Variants in SYNPR observed in about 807,000 individuals in gnomAD.
SYNPR encodes synaptoporin.
In SYNPR, 23 loss-of-function variants were observed where a neutral mutation model predicts 32.9. That is an observed-to-expected ratio of 0.70 (90% confidence interval 0.50 to 0.99). The LOEUF is 0.99. SYNPR is among the 50% of genes least tolerant of loss of function. The probability of loss-of-function intolerance (pLI) is 0.00; values close to 1 mark genes in which losing one functional copy is unlikely to be tolerated. For synonymous variants in SYNPR, 146 were observed against 135.9 expected (o/e 1.07, Z -0.52); for missense variants, 318 against 349.3 (o/e 0.91, Z 0.71).
At chr3:63,252,998 G>A (rs1454940983) in intron 2 of SYNPR, among the ~76,000 whole-genome samples, 1 of 147,494 alleles carries the variant, frequency 6.8e-6, no homozygotes, top group Non-Finnish European at 1.5e-5. Context: ...GAGATTATGT[G>A]ACTGCACTCC....
At chr3:63,546,677 T>C (rs1290260738) in intron 3 of SYNPR, among the ~76,000 whole-genome samples, 1 of 151,540 alleles carries the variant, frequency 6.6e-6, no homozygotes, top group East Asian at 1.9e-4. Context: ...AATGGTAAAG[T>C]GGAGAGGACA....
intron 2 of SYNPR, among the ~76,000 whole-genome samples, chr3:63,442,033 C>A (rs756802113): frequency 1.3e-5 from 2 of 152,146 alleles, no homozygotes; most frequent in Non-Finnish European, 2.9e-5. Context: ...CCTGACTCCT[C>A]GTTATGGTTT....
chr3:63,418,654 A>C (rs1364430314), intron 2 of SYNPR, among the ~76,000 whole-genome samples: 1 of 152,216 alleles, frequency 6.6e-6, no homozygotes, highest in African/African-American at 2.4e-5. Context: ...GGAACAAGCC[A>C]CGTCTTACAC....
chr3:63,419,372 T>A (rs1575634523), intron 2 of SYNPR, among the ~76,000 whole-genome samples: 1 of 152,086 alleles, frequency 6.6e-6, no homozygotes, highest in Admixed American at 6.6e-5. Flanking sequence ...TACCAAATAC[T>A]TAGAGTTGGA....
At chr3:63,501,958 C>T (rs1701490244) in intron 3 of SYNPR, among the ~76,000 whole-genome samples, 1 of 152,062 alleles carries the variant, frequency 6.6e-6, no homozygotes. Flanking sequence ...TGGAGGTATG[C>T]TGTAAGTGTA....
intron 2 of SYNPR, among the ~76,000 whole-genome samples, chr3:63,288,125 T>A (rs201605214): frequency 2.0e-5 from 3 of 152,326 alleles, no homozygotes; most frequent in East Asian, 1.9e-4. Flanking sequence ...TTATTTTAGT[T>A]TGGACACAAC....
chr3:63,248,000 GT>G (rs1292869689), intron 1 of SYNPR, among the ~76,000 whole-genome samples: 1 of 152,064 alleles, frequency 6.6e-6, no homozygotes, highest in Non-Finnish European at 1.5e-5. Context: ...ACCTTACAAT[GT>G]AAGTAGGATT....
At chr3:63,306,504 C>T (rs1372180915) in intron 2 of SYNPR, among the ~76,000 whole-genome samples, 1 of 151,362 alleles carries the variant, frequency 6.6e-6, no homozygotes, top group Non-Finnish European at 1.5e-5. Flanking sequence ...CTGATACATA[C>T]CCTGCCTCTT....
chr3:63,202,500 T>C, the SYNPR span, among the ~76,000 whole-genome samples: 1 of 152,128 alleles, frequency 6.6e-6, no homozygotes, highest in African/African-American at 2.4e-5. Context: ...CAGTGGGCCG[T>C]GAACACAGGC....
chr3:63,232,727 G>T (rs1255864157), intron 1 of SYNPR, among the ~76,000 whole-genome samples: 2 of 152,096 alleles, frequency 1.3e-5, no homozygotes, highest in Non-Finnish European at 2.9e-5. Flanking sequence ...AAACGGGAAT[G>T]GGCTCAGTTA....
chr3:63,584,090 T>A (rs1703141274), intron 4 of SYNPR, among the ~76,000 whole-genome samples: 1 of 152,072 alleles, frequency 6.6e-6, no homozygotes, highest in Non-Finnish European at 1.5e-5. Context: ...TCTTTTGCTG[T>A]CCTGTCGGCA....
intron 2 of SYNPR, among the ~76,000 whole-genome samples, chr3:63,313,732 C>T (rs1481245354): frequency 3.4e-5 from 1 of 29,118 alleles, no homozygotes; most frequent in Non-Finnish European, 5.7e-5. Context: ...TATATATATC[C>T]ATATATATAT....
chr3:63,494,405 ATATATATATATACG>A (rs1289794781), intron 3 of SYNPR, among the ~76,000 whole-genome samples: 1 of 53,226 alleles, frequency 1.9e-5, no homozygotes, highest in Non-Finnish European at 3.8e-5. Context: ...ATATATATAT[ATATATATATATACG>A]TATATATATA....
chr3:63,311,668 G>C (rs553881838), intron 2 of SYNPR, among the ~76,000 whole-genome samples: 1 of 152,090 alleles, frequency 6.6e-6, no homozygotes, highest in Admixed American at 6.6e-5. Context: ...CTGCTGCAGA[G>C]AATGCAATCT....
rs149456359 is a variant in SYNPR at position 63,446,460 on chromosome 3, T to G, written c.85-34372T>G. 6.5e-3 allele frequency among the ~76,000 whole-genome samples: 992 copies of G among 152,128 alleles called. 9 individuals carry two copies. Among genetic ancestry groups the G allele is most frequent in the Non-Finnish European group, 0.011 (744 of 68,000 alleles). ...ATTCAGAGTCCCCAAATGCATTCCT[T>G]TGCACCTGAGCAGTGGGCTCCCCAT... On this transcript the variant is annotated intron_variant, in intron 2 of 5. Transcript: ENST00000478300.
chr3:63,211,335 G>C, the SYNPR span, among the ~76,000 whole-genome samples: 3 of 152,150 alleles, frequency 2.0e-5, no homozygotes, highest in Non-Finnish European at 4.4e-5. Flanking sequence ...CCAAACTGCT[G>C]GGATTACAGG....
chr3:63,581,585 T>C (rs1270613298), intron 4 of SYNPR, among the ~76,000 whole-genome samples: 1 of 152,038 alleles, frequency 6.6e-6, no homozygotes, highest in African/African-American at 2.4e-5. Flanking sequence ...CGAGTATGCG[T>C]CCATCTCAGC....
intron 2 of SYNPR, among the ~76,000 whole-genome samples, chr3:63,401,738 T>G (rs527895476): frequency 9.2e-5 from 14 of 152,328 alleles, no homozygotes; most frequent in Admixed American, 5.9e-4. Context: ...GTATTCTTGA[T>G]GGACATCACT....
intron 3 of SYNPR, among the ~76,000 whole-genome samples, chr3:63,538,726 G>T (rs1221052127): frequency 6.6e-6 from 1 of 152,022 alleles, no homozygotes; most frequent in East Asian, 1.9e-4. Flanking sequence ...GAATGGACAT[G>T]CATGAAGCAG....
Sources: allele counts gnomAD v4.1 joint callset (sites outside exome capture counted in the v4.1 genomes callset), GRCh38; gene constraint gnomAD v4.1.1; transcripts MANE v1.5; gene names NCBI Gene and HGNC (gene_info 2026-07-23, HGNC 2026-07-21).